The following WASHC2C variants were observed in gnomAD, a reference collection of about 807,000 sequenced individuals.
The protein encoded by WASHC2C is WASH complex subunit 2C, also known as Vaccinia Penetration Factor.
Under a neutral mutation model 142.2 loss-of-function variants are expected in WASHC2C, and 73 were observed. The ratio of observed to expected loss-of-function variants is 0.51; its 90% CI spans 0.43 to 0.62. The LOEUF is 0.62. Ranked by LOEUF, WASHC2C falls within the 20% of genes least tolerant of loss-of-function variation. The pLI, the probability that WASHC2C is intolerant of heterozygous loss-of-function variation, is 0.00. For missense variants in WASHC2C, 969 were observed against 1,531.7 expected (o/e 0.63, Z 6.13); for synonymous variants, 337 against 565.5 (o/e 0.60, Z 5.73).
Position 45,769,496 on chromosome 10 carries a change from C to T in WASHC2C, c.1917C>T (p.Ser639=). Residue 639 remains serine, a synonymous_variant, in exon 20 of 31, where the codon AGC becomes AGT. Coordinates refer to ENST00000623400, the MANE Select transcript of WASHC2C (RefSeq NM_001330074.2). ...CACAGACCCACTTAGCATCTGACAG[C>T]AGGTCTAAAGGAGAACCCAGGGATT... ...PASQTHLASD[S]RSKGEPRDSG... The T allele has an allele frequency of 2.5e-6, 4 of 1,611,310 alleles. No individual in the cohort carries two copies. The South Asian group carries it at 4.4e-5, about 18-fold the overall frequency.
intron 11 of WASHC2C, among the ~76,000 whole-genome samples, chr10:45,751,761 A>G (rs1218948916): frequency 5.3e-5 from 8 of 152,144 alleles, no homozygotes; most frequent in African/African-American, 7.2e-5. Context: ...GTGGATCATG[A>G]GGTCAGGAGT....
intron 23 of WASHC2C, among the ~76,000 whole-genome samples, chr10:45,784,252 G>GTATATATATATA (rs71225139): frequency 8.1e-4 from 33 of 40,690 alleles, no homozygotes; most frequent in South Asian, 1.0e-3. Context: ...GTGTGTGTGT[G>GTATATATATATA]TATATATATA....
At chr10:45,768,272 C>T (rs1235190083) in intron 19 of WASHC2C, among the ~76,000 whole-genome samples, 4 of 149,532 alleles carry the variant, frequency 2.7e-5, no homozygotes, top group Non-Finnish European at 4.4e-5. Context: ...GAAGACCTAA[C>T]GAGTGCTGAC....
intron 26 of WASHC2C, 190 bp downstream of exon 26, chr10:45,785,821 C>G (rs1235688931): frequency 5.6e-6 from 6 of 1,078,230 alleles, no homozygotes; most frequent in South Asian, 1.6e-5. Context: ...GCCAGAGTTT[C>G]ATGAATCTAT....
At chr10:45,782,164 C>CTA (rs2057554305) in intron 23 of WASHC2C, among the ~76,000 whole-genome samples, 1 of 151,462 alleles carries the variant, frequency 6.6e-6, no homozygotes, top group South Asian at 2.1e-4. Flanking sequence ...TTGCGTGCTC[C>CTA]TATAGTTCTA....
chr10:45,787,562 A>G (rs2135775560), intron 28 of WASHC2C, among the ~76,000 whole-genome samples: 1 of 150,492 alleles, frequency 6.6e-6, no homozygotes, highest in East Asian at 2.0e-4. Flanking sequence ...AGAGCAGATC[A>G]TGCCCCTCCT....
chr10:45,758,600 C>T (rs1369951084), intron 16 of WASHC2C, among the ~76,000 whole-genome samples: 1 of 140,648 alleles, frequency 7.1e-6, no homozygotes, highest in African/African-American at 2.5e-5. Context: ...TACCATCATT[C>T]TTCTTCTTTT....
At position 45,786,690 on chromosome 10, in the gene WASHC2C, G is replaced by A. The variant is rs1554890262; in HGVS notation, c.2874+16G>A. On this transcript the variant is annotated intron_variant, in intron 27 of 30. Transcript: ENST00000623400. Reference sequence around the variant, plus strand: ...GAAGATACAAGTAATTAAAACACTGGAATCTTCATTGCCTGCCCTGTGGCA... The same window carrying A: ...GAAGATACAAGTAATTAAAACACTGAAATCTTCATTGCCTGCCCTGTGGCA... 9 of 1,611,644 alleles carry A rather than the reference G, an allele frequency of 5.6e-6. No individual in the cohort carries two copies. In the South Asian group the frequency reaches 7.7e-5, roughly 14 times the overall value.
chr10:45,789,276 G>A lies in WASHC2C; in HGVS notation c.3493G>A (p.Gly1165Ser). The A allele has an allele frequency of 6.2e-7, 1 of 1,612,062 alleles. No homozygotes were observed. The highest frequency in any genetic ancestry group is 8.5e-7 in the Non-Finnish European group (1 of 1,179,860). ...GAATCCTGCCAACCCACCAGTGGGT[G>A]GTAAAGCAAAGAGCCCCATGTTTCC... ...AENPANPPVG[G>S]KAKSPMFPAL... Residue 1165 changes from glycine to serine, a missense_variant, in exon 29 of 31, where the codon GGT (glycine) becomes AGT (serine). By Grantham distance (56) the Gly-to-Ser change is moderately conservative. Transcript: ENST00000623400.
chr10:45,762,910 AAAAG>A, intron 17 of WASHC2C, among the ~76,000 whole-genome samples: 1 of 152,380 alleles, frequency 6.6e-6, no homozygotes, highest in East Asian at 1.9e-4. Flanking sequence ...TGCCTCAAAA[AAAAG>A]AAAAAGAAGT....
At chr10:45,738,286 G>A (rs1554865749) in intron 4 of WASHC2C, among the ~76,000 whole-genome samples, 1 of 151,464 alleles carries the variant, frequency 6.6e-6, no homozygotes, top group East Asian at 1.9e-4. Context: ...AACTTCTTTT[G>A]TAAAGGGCCA....
At chr10:45,756,889 C>T in intron 15 of WASHC2C, 123 bp from the exon 16 acceptor site, 3 of 777,476 alleles carry the variant, frequency 3.9e-6, no homozygotes, top group Non-Finnish European at 4.1e-6. Flanking sequence ...TTCTTTATAA[C>T]TAATCAAGAA....
chr10:45,770,653 A>C lies in WASHC2C; in HGVS notation c.2039+1035A>C, dbSNP rs529185151. On this transcript the variant is annotated intron_variant, in intron 20 of 30. Coordinates refer to ENST00000623400, the MANE Select transcript of WASHC2C (RefSeq NM_001330074.2). ...TCAGGTTTCTGTCTCCAAATACTCG[A>C]ATCTTGTCAAGCATCACCATTTCTG... is the stretch of plus-strand genomic sequence containing the variant. Among the ~76,000 whole-genome samples the C allele has an allele frequency of 4.9e-4, 75 of 152,342 alleles. No individual in the cohort carries two copies. The South Asian group carries it at 0.016, about 32-fold the overall frequency.
At chr10:45,771,374 A>G in intron 20 of WASHC2C, 2 of 983,018 alleles carry the variant, frequency 2.0e-6, no homozygotes, top group Non-Finnish European at 2.4e-6. Flanking sequence ...CAAAAAAAAA[A>G]AAAAAAAAAA....
intron 11 of WASHC2C, among the ~76,000 whole-genome samples, chr10:45,752,243 C>T (rs181347640): frequency 3.3e-3 from 504 of 152,374 alleles, no homozygotes; most frequent in Non-Finnish European, 6.0e-3. Flanking sequence ...GTTTATTCTG[C>T]CCTTCCTTCC....
rs2058256633 is a variant in WASHC2C at position 45,789,256 on chromosome 10, C to T, written c.3473C>T (p.Pro1158Leu). Residue 1158 changes from proline to leucine, a missense_variant, in exon 29 of 31, where the codon CCT becomes CTT. Coordinates refer to ENST00000623400, the MANE Select transcript of WASHC2C (RefSeq NM_001330074.2). ...CCCAAGGCAAAGATAGCAGAGAATC[C>T]TGCCAACCCACCAGTGGGTGGTAAA... ...TKPKAKIAEN[P>L]ANPPVGGKAK... 2 of 1,612,074 alleles carry T rather than the reference C, an allele frequency of 1.2e-6. No homozygotes were observed. The highest frequency in any genetic ancestry group is 1.1e-5 in the South Asian group (1 of 90,994).
chr10:45,775,991 T>C (rs2057044266), intron 21 of WASHC2C, among the ~76,000 whole-genome samples: 1 of 152,122 alleles, frequency 6.6e-6, no homozygotes, highest in African/African-American at 2.4e-5. Context: ...GCACTGAATT[T>C]TTATGTAGTT....
chr10:45,790,333 G>T, intron 29 of WASHC2C, 23 bp from the exon 30 acceptor site: 2 of 1,609,592 alleles, frequency 1.2e-6, no homozygotes, highest in African/African-American at 1.3e-5. Flanking sequence ...ACATTGTTTT[G>T]TATGTATTTT....
intron 5 of WASHC2C, among the ~76,000 whole-genome samples, chr10:45,741,500 C>G (rs1340871453): frequency 1.3e-5 from 2 of 152,092 alleles, no homozygotes; most frequent in Middle Eastern, 3.4e-3. Context: ...TGGAGGTACA[C>G]TTTTCTTTTG....
Sources: allele counts gnomAD v4.1 joint callset (sites outside exome capture counted in the v4.1 genomes callset), GRCh38; gene constraint gnomAD v4.1.1; transcripts MANE v1.5; gene names NCBI Gene and HGNC (gene_info 2026-07-23, HGNC 2026-07-21).